The following SMG6 variants were observed in gnomAD, a reference collection of about 807,000 sequenced individuals.
SMG6 encodes the protein telomerase-binding protein EST1A.
Under a neutral mutation model 142.2 loss-of-function variants are expected in SMG6, and 66 were observed. That is an observed-to-expected ratio of 0.46 (90% CI 0.38 to 0.57). SMG6 has a LOEUF of 0.57. Ranked by LOEUF, SMG6 falls within the 20% of genes least tolerant of loss-of-function variation. SMG6 has a pLI of 0.00. For missense variants in SMG6, 1,793 were observed against 1,832.0 expected (o/e 0.98, Z 0.39); for synonymous variants, 779 against 702.4 (o/e 1.11, Z -1.72).
chr17:2,069,016 G>A (rs569247293), intron 15 of SMG6, 85 bp from the exon 16 acceptor site: 57 of 1,389,998 alleles, frequency 4.1e-5, no homozygotes, highest in Non-Finnish European at 3.0e-6. Context: ...CGGTGTGTCA[G>A]CATCCTGCCC....
At position 2,061,324 on chromosome 17, in the gene SMG6, G is replaced by A. The variant is rs1260255537; in HGVS notation, c.*168C>T. 4.5e-6 allele frequency: 3 copies of A among 670,684 alleles called. No homozygotes were observed. Among genetic ancestry groups the A allele is most frequent in the Non-Finnish European group, 7.4e-6 (3 of 406,462 alleles). The allele number at this position is 670,684 out of a possible 1,614,324, so 41.5% of individuals were successfully genotyped here. ...CCGCCCGATCCTTGGGAGGGGCTCT[G>A]TGAGGAGCAGGTCCCCCACAGCATG... On this transcript the variant is annotated 3_prime_UTR_variant, in exon 19 of 19. Coordinates refer to ENST00000263073, the MANE Select transcript of SMG6 (RefSeq NM_017575.5).
chr17:2,297,127 G>C, intron 4 of SMG6, 116 bp downstream of exon 4: 4 of 690,316 alleles, frequency 5.8e-6, no homozygotes, highest in Non-Finnish European at 7.3e-6. Flanking sequence ...TCCCTGCACT[G>C]AACTGTATCA....
In SMG6 at chr17:2,129,793, CAAAAAAAAAAAAAAAAAAA is replaced by C. The variant is rs57556112; in HGVS notation, c.3357+42846_3357+42864del. Among the ~76,000 whole-genome samples, 67 of 56,334 alleles carry C rather than the reference CAAAAAAAAAAAAAAAAAAA, an allele frequency of 1.2e-3. 1 individual carries two copies. The highest frequency in any genetic ancestry group is 3.9e-3 in the African/African-American group (62 of 16,050). The allele number at this position is 56,334 out of a possible 152,430, so 37.0% of individuals were successfully genotyped here. On this transcript the variant is annotated intron_variant, in intron 13 of 18. Transcript: ENST00000263073. ...TGGGTGACAGAGCAAGGCTCTGTCT[CAAAAAAAAAAAAAAAAAAA>C]AAAAAAAAAGAAATCCATGACAAAT...
chr17:2,187,435 A>T (rs1315896228), intron 11 of SMG6, among the ~76,000 whole-genome samples: 1 of 152,168 alleles, frequency 6.6e-6, no homozygotes, highest in African/African-American at 2.4e-5. Flanking sequence ...GAATGCAATA[A>T]TAGTATTTTG....
At chr17:2,197,497 T>C (rs1433501776) in intron 10 of SMG6, among the ~76,000 whole-genome samples, 1 of 151,654 alleles carries the variant, frequency 6.6e-6, no homozygotes, top group Admixed American at 6.6e-5. Flanking sequence ...GCCTGGGAGG[T>C]CAAGGCTGCA....
At chr17:2,130,129 G>A (rs538051659) in intron 13 of SMG6, among the ~76,000 whole-genome samples, 84 of 150,884 alleles carry the variant, frequency 5.6e-4, no homozygotes, top group African/African-American at 2.0e-3. Context: ...GCGTGGTGGC[G>A]GGCGCCTGTA....
At chr17:2,137,820 T>G (rs1489087074) in intron 13 of SMG6, among the ~76,000 whole-genome samples, 3 of 152,176 alleles carry the variant, frequency 2.0e-5, no homozygotes, top group African/African-American at 7.2e-5. Context: ...TTCATGGACC[T>G]TAGTACAGAA....
chr17:2,303,664 C>T lies in SMG6; in HGVS notation c.57G>A (p.Leu19=). The T allele has an allele frequency of 6.7e-7, 1 of 1,493,222 alleles. No individual in the cohort carries two copies. The highest frequency in any genetic ancestry group is 8.9e-7 in the Non-Finnish European group (1 of 1,128,062). 92.5% of individuals were successfully genotyped at this position (1,493,222 alleles called of 1,614,324 possible). A position where few individuals can be genotyped will look rare whatever the true frequency, so the allele number is the denominator to read the frequency against. ...RISASELRGI[L]ATLAPQAGSR... The stretch of plus-strand genomic sequence containing the variant: ...TCCCGGCCTGCGGGGCCAGAGTAGC[C>T]AGGATCCCGCGCAGCTCCGACGCGG... The change falls in exon 1 of 19, where the codon CTG becomes CTA. Residue 19 remains leucine (L), a synonymous_variant. Transcript: ENST00000263073.
At chr17:2,183,792 A>G (rs1233841393) in intron 12 of SMG6, among the ~76,000 whole-genome samples, 2 of 137,258 alleles carry the variant, frequency 1.5e-5, no homozygotes, top group Admixed American at 7.5e-5. Context: ...ACACACACAC[A>G]GCAGAGGCAG....
At chr17:2,080,998 C>CA (rs1451338513) in intron 15 of SMG6, among the ~76,000 whole-genome samples, 2 of 152,184 alleles carry the variant, frequency 1.3e-5, no homozygotes, top group East Asian at 3.8e-4. Flanking sequence ...CCCCATGTTA[C>CA]AAAGCTATTT....
intron 8 of SMG6, among the ~76,000 whole-genome samples, chr17:2,271,432 A>G (rs1380877723): frequency 6.6e-6 from 1 of 151,142 alleles, no homozygotes; most frequent in Non-Finnish European, 1.5e-5. Context: ...TTTAAAAAGC[A>G]GCCAGGCATG....
At chr17:2,183,639 G>A (rs2071874053) in intron 12 of SMG6, among the ~76,000 whole-genome samples, 1 of 152,086 alleles carries the variant, frequency 6.6e-6, no homozygotes, top group Non-Finnish European at 1.5e-5. Context: ...CAATTTTCAT[G>A]AGTCATGAAA....
intron 13 of SMG6, chr17:2,087,176 G>A (rs1005295860): frequency 7.7e-6 from 10 of 1,290,326 alleles, no homozygotes; most frequent in Middle Eastern, 2.1e-4. Context: ...GTTTTCGTAC[G>A]TCACTGGCAA....
intron 18 of SMG6, among the ~76,000 whole-genome samples, chr17:2,063,547 C>T (rs1378480758): frequency 6.6e-6 from 1 of 152,214 alleles, no homozygotes; most frequent in Non-Finnish European, 1.5e-5. Flanking sequence ...TGTGTCCGTT[C>T]TGAGAAAGAA....
chr17:2,221,592 C>T (rs574763900), intron 10 of SMG6, among the ~76,000 whole-genome samples: 26 of 152,242 alleles, frequency 1.7e-4, no homozygotes, highest in Admixed American at 9.2e-4. Context: ...TACTTTAATG[C>T]CAGATGTAAA....
chr17:2,186,406 G>T (rs1385714113), intron 12 of SMG6, among the ~76,000 whole-genome samples: 1 of 152,138 alleles, frequency 6.6e-6, no homozygotes, highest in African/African-American at 2.4e-5. Context: ...GGGAACGAGA[G>T]CAAGAACAAA....
At chr17:2,156,087 A>C in intron 13 of SMG6, among the ~76,000 whole-genome samples, 1 of 143,696 alleles carries the variant, frequency 7.0e-6, no homozygotes, top group African/African-American at 2.6e-5. Flanking sequence ...TTTCAGGGGC[A>C]CTCAGATTAG....
rs995254512 is a variant in SMG6, at chr17:2,065,008, G to A, written c.4129+65C>T. 9.2e-6 allele frequency: 12 copies of A among 1,297,440 alleles called. No homozygotes were observed. In the Admixed American group the frequency reaches 1.7e-4, roughly 19 times the overall value. 80.4% of individuals were successfully genotyped at this position (1,297,440 alleles called of 1,614,324 possible). A position where few individuals can be genotyped will look rare whatever the true frequency, so the allele number is the denominator to read the frequency against. ...GTCAGTGGAGCCCTTCTCAGGGGCT[G>A]AGGATGGGTAGGATGAGGTAGGGCA... On this transcript the variant is annotated intron_variant, in intron 18 of 18. Transcript: ENST00000263073.
At chr17:2,259,380 A>T (rs922994319) in intron 8 of SMG6, among the ~76,000 whole-genome samples, 1 of 152,194 alleles carries the variant, frequency 6.6e-6, no homozygotes, top group Non-Finnish European at 1.5e-5. Flanking sequence ...ATTCATGGTG[A>T]TAAAGCAACA....
Sources: allele counts gnomAD v4.1 joint callset (sites outside exome capture counted in the v4.1 genomes callset), GRCh38; gene constraint gnomAD v4.1.1; transcripts MANE v1.5; gene names NCBI Gene and HGNC (gene_info 2026-07-23, HGNC 2026-07-21).